The following NPAS3 variants were observed in gnomAD, a reference collection of about 807,000 sequenced individuals.
NPAS3 encodes neuronal PAS domain-containing protein 3.
In NPAS3, 14 loss-of-function variants were observed where a neutral mutation model predicts 73.1. The observed-to-expected ratio is 0.19, with a 90% confidence interval of 0.13 to 0.30. The LOEUF is 0.30. Ranked by LOEUF, NPAS3 falls within the 10% of genes least tolerant of loss-of-function variation. The probability of loss-of-function intolerance (pLI) is 1.00; values close to 1 mark genes in which losing one functional copy is unlikely to be tolerated. For synonymous variants in NPAS3, 620 were observed against 541.5 expected (o/e 1.14, Z -2.01); for missense variants, 1,096 against 1,250.0 (o/e 0.88, Z 1.86).
intron 3 of NPAS3, among the ~76,000 whole-genome samples, chr14:33,344,326 A>G (rs2044629715): frequency 6.6e-6 from 1 of 152,202 alleles, no homozygotes; most frequent in African/African-American, 2.4e-5. Flanking sequence ...TCTATTTGCA[A>G]TTAGTTATTT....
At chr14:33,465,693 A>G (rs1486679287) in intron 4 of NPAS3, among the ~76,000 whole-genome samples, 1 of 152,216 alleles carries the variant, frequency 6.6e-6, no homozygotes, top group Admixed American at 6.5e-5. Context: ...CTTAACTTCT[A>G]TATACTAAAT....
intron 4 of NPAS3, among the ~76,000 whole-genome samples, chr14:33,520,312 C>A (rs898928785): frequency 6.6e-6 from 1 of 152,038 alleles, no homozygotes; most frequent in Non-Finnish European, 1.5e-5. Flanking sequence ...ATCAAGAAAG[C>A]GCTTTGAGAC....
intron 4 of NPAS3, among the ~76,000 whole-genome samples, chr14:33,416,023 A>T (rs550149200): frequency 1.1e-3 from 166 of 152,166 alleles, no homozygotes; most frequent in Non-Finnish European, 1.9e-3. Context: ...AGCTCTGAGG[A>T]TGTCTTTGTT....
intron 1 of NPAS3, among the ~76,000 whole-genome samples, chr14:32,975,896 T>TGTGTGTGA (rs374916231): frequency 5.9e-4 from 84 of 142,302 alleles, no homozygotes; most frequent in African/African-American, 2.0e-3. Flanking sequence ...TGTGTGTGTG[T>TGTGTGTGA]GAGAGAGAGA....
At chr14:33,047,768 T>C (rs2040560209) in intron 1 of NPAS3, among the ~76,000 whole-genome samples, 1 of 152,158 alleles carries the variant, frequency 6.6e-6, no homozygotes, top group South Asian at 2.1e-4. Flanking sequence ...CAGTGTATGG[T>C]CTATATCCAG....
intron 4 of NPAS3, among the ~76,000 whole-genome samples, chr14:33,456,850 G>T (rs1436526139): frequency 6.6e-6 from 1 of 152,028 alleles, no homozygotes; most frequent in African/African-American, 2.4e-5. Context: ...GTTGAGTGTG[G>T]GCTGCAGAAA....
At chr14:33,430,010 A>G (rs2048716466) in intron 4 of NPAS3, among the ~76,000 whole-genome samples, 2 of 152,140 alleles carry the variant, frequency 1.3e-5, no homozygotes, top group Non-Finnish European at 2.9e-5. Flanking sequence ...CCCCTTCATC[A>G]TTTAGATACA....
intron 5 of NPAS3, among the ~76,000 whole-genome samples, chr14:33,634,590 G>A (rs2058464833): frequency 6.6e-6 from 1 of 152,174 alleles, no homozygotes; most frequent in South Asian, 2.1e-4. Context: ...ATATAAATCA[G>A]AGAATTATGA....
chr14:33,445,273 TTTA>T (rs1190711514), intron 4 of NPAS3, among the ~76,000 whole-genome samples: 3 of 152,228 alleles, frequency 2.0e-5, no homozygotes, highest in Non-Finnish European at 4.4e-5. Context: ...TTCATTTTGT[TTTA>T]TTGTCAACAT....
At chr14:33,113,762 G>A (rs2042972565) in intron 2 of NPAS3, among the ~76,000 whole-genome samples, 1 of 152,184 alleles carries the variant, frequency 6.6e-6, no homozygotes, top group Non-Finnish European at 1.5e-5. Context: ...CAAAGGGAAT[G>A]CTTCCAGTTT....
intron 8 of NPAS3, among the ~76,000 whole-genome samples, chr14:33,777,209 G>T (rs1346686679): frequency 6.6e-6 from 1 of 152,054 alleles, no homozygotes; most frequent in Non-Finnish European, 1.5e-5. Context: ...GCAGAAAGGG[G>T]GTTTAACTGT....
At chr14:33,775,266 G>A (rs1258815223) in intron 8 of NPAS3, among the ~76,000 whole-genome samples, 1 of 152,118 alleles carries the variant, frequency 6.6e-6, no homozygotes, top group African/African-American at 2.4e-5. Context: ...TGCAGGGAGG[G>A]CCGTGGAGAG....
At chr14:33,125,630 G>A (rs2043399792) in intron 2 of NPAS3, among the ~76,000 whole-genome samples, 1 of 152,048 alleles carries the variant, frequency 6.6e-6, no homozygotes, top group Non-Finnish European at 1.5e-5. Flanking sequence ...CTTTAAATGA[G>A]AATGGACAAA....
At chr14:33,450,264 C>T (rs1278528566) in intron 4 of NPAS3, among the ~76,000 whole-genome samples, 3 of 152,218 alleles carry the variant, frequency 2.0e-5, no homozygotes, top group African/African-American at 4.8e-5. Flanking sequence ...AAAACTGAGC[C>T]GCAGTAGGTG....
chr14:33,321,310 A>T (rs1457283638), intron 3 of NPAS3, among the ~76,000 whole-genome samples: 1 of 152,094 alleles, frequency 6.6e-6, no homozygotes, highest in Non-Finnish European at 1.5e-5. Context: ...TCAAAATAAG[A>T]TGGAATTTAT....
At chr14:33,774,196 C>T (rs1243621714) in intron 7 of NPAS3, 141 bp from the exon 8 acceptor site, 2 of 617,368 alleles carry the variant, frequency 3.2e-6, no homozygotes, top group African/African-American at 3.7e-5. Flanking sequence ...ACACTGAGGG[C>T]ATGCCGACAG....
chr14:33,211,249 C>A (rs900572084), intron 2 of NPAS3, among the ~76,000 whole-genome samples: 9 of 152,308 alleles, frequency 5.9e-5, no homozygotes, highest in African/African-American at 2.2e-4. Context: ...TATACCCAGG[C>A]TGGCTAGCTT....
At chr14:33,303,242 G>C (rs1594642491) in intron 3 of NPAS3, among the ~76,000 whole-genome samples, 1 of 152,080 alleles carries the variant, frequency 6.6e-6, no homozygotes, top group East Asian at 1.9e-4. Flanking sequence ...TATTCGAACA[G>C]AGTGGGTACT....
intron 6 of NPAS3, among the ~76,000 whole-genome samples, chr14:33,715,815 G>T (rs1241794778): frequency 6.6e-6 from 1 of 152,178 alleles, no homozygotes; most frequent in Non-Finnish European, 1.5e-5. Context: ...CTGAATCATG[G>T]GAGTGGGTTT....
Sources: gnomAD v4.1 joint callset for allele counts (sites outside exome capture counted in the v4.1 genomes callset) on GRCh38, gnomAD v4.1.1 for gene constraint, MANE v1.5 for transcripts, NCBI Gene and HGNC (gene_info 2026-07-23, HGNC 2026-07-21) for gene names.